ASB1: variants seen among roughly 807,000 people sequenced by gnomAD.
The protein encoded by ASB1 is ankyrin repeat and SOCS box protein 1.
A neutral mutation model predicts 27.7 loss-of-function variants in ASB1; 18 were observed. The ratio of observed to expected loss-of-function variants is 0.65; its 90% CI spans 0.45 to 0.96. The LOEUF (loss-of-function observed/expected upper bound fraction) is 0.96. Ranked by LOEUF, ASB1 falls within the 50% of genes least tolerant of loss-of-function variation. The pLI, the probability that ASB1 is intolerant of heterozygous loss-of-function variation, is 0.00. For missense variants in ASB1, 397 were observed against 451.7 expected, an observed-to-expected ratio of 0.88 and a Z score of 1.10; for synonymous variants, 189 against 187.6, an observed-to-expected ratio of 1.01 and a Z score of -0.06.
At chr2:238,446,268 A>G in intron 4 of ASB1, 116 bp from the exon 5 acceptor site, 1 of 1,208,778 alleles carries the variant, frequency 8.3e-7, no homozygotes, top group South Asian at 1.5e-5. Context: ...GAGCGTTTTG[A>G]AGTTGGTAGT....
At position 238,444,574 on chromosome 2, in the gene ASB1, G is replaced by C; in HGVS notation, c.727G>C (p.Val243Leu). 6.2e-7 allele frequency: 1 copy of C among 1,614,216 alleles called. No individual in the cohort carries two copies. The highest frequency in any genetic ancestry group is 8.5e-7 in the Non-Finnish European group (1 of 1,180,050). ...CTCCCCTGGGTGCGTCATGGATGCT[G>C]TTCTGCGCCACGGCTGTGAGGCAGC... ...RGSPGCVMDA[V>L]LRHGCEAAFV... Residue 243 changes from valine (V) to leucine (L), a missense_variant, in exon 4 of 5, where the codon GTT becomes CTT. Transcript: ENST00000264607.
rs913517697 is a variant in ASB1 at position 238,449,083 on chromosome 2, A to G, written c.*2572A>G. 2.0e-5 allele frequency: 3 copies of G among 152,230 alleles called. No individual in the cohort carries two copies. Among genetic ancestry groups the G allele is most frequent in the Non-Finnish European group, 2.9e-5 (2 of 68,036 alleles). 9.4% of individuals were successfully genotyped at this position (152,230 alleles called of 1,614,324 possible). A position where few individuals can be genotyped will look rare whatever the true frequency, so the allele number is the denominator to read the frequency against. On this transcript the variant is annotated 3_prime_UTR_variant, in exon 5 of 5. Transcript: ENST00000264607. ...GCCTTTGCCAATTTTTTCAGAATCC[A>G]AACAATTTGGAGGTTTGGTATCTTG...
intron 1 of ASB1, among the ~76,000 whole-genome samples, chr2:238,429,714 C>T (rs893186543): frequency 1.3e-5 from 2 of 152,076 alleles, no homozygotes; most frequent in South Asian, 2.1e-4. Flanking sequence ...AGGCAGATCA[C>T]GAGGTCAGGA....
chr2:238,443,365 A>T (rs1054844763), intron 3 of ASB1, among the ~76,000 whole-genome samples: 3 of 152,236 alleles, frequency 2.0e-5, no homozygotes, highest in African/African-American at 4.8e-5. Context: ...TATTGGTTTG[A>T]CAACCTGCTA....
Position 238,448,807 on chromosome 2 carries a change from G to C in ASB1, c.*2296G>C, listed in dbSNP as rs1385643680. 6.6e-6 allele frequency: 1 copy of C among 152,468 alleles called. No individual in the cohort carries two copies. Among genetic ancestry groups the C allele is most frequent in the Non-Finnish European group, 1.5e-5 (1 of 68,212 alleles). 9.4% of individuals were successfully genotyped at this position (152,468 alleles called of 1,614,324 possible). A position where few individuals can be genotyped will look rare whatever the true frequency, so the allele number is the denominator to read the frequency against. The stretch of plus-strand genomic sequence containing the variant: ...GCGTCATGCTCCTTTGCACAGCCCA[G>C]GGCCTGTTTTGGAGGGACCAGGTCA... On this transcript the variant is annotated 3_prime_UTR_variant, in exon 5 of 5. Transcript: ENST00000264607.
chr2:238,437,684 G>A (rs1184467240), intron 3 of ASB1, among the ~76,000 whole-genome samples: 1 of 152,040 alleles, frequency 6.6e-6, no homozygotes, highest in Non-Finnish European at 1.5e-5. Flanking sequence ...CATTTGGACA[G>A]GGTGCAGTTT....
intron 3 of ASB1, among the ~76,000 whole-genome samples, chr2:238,436,740 A>G (rs1366666826): frequency 3.3e-5 from 5 of 149,458 alleles, no homozygotes; most frequent in South Asian, 4.3e-4. Context: ...TTTTGTTTAC[A>G]TATTATACTT....
intron 2 of ASB1, 84 bp downstream of exon 2, chr2:238,433,779 TG>T: frequency 4.7e-6 from 7 of 1,483,392 alleles, no homozygotes; most frequent in Non-Finnish European, 6.5e-6. Flanking sequence ...GCTGTGCAGA[TG>T]AAGACCTTGA....
At chr2:238,438,480 G>C (rs746953524) in intron 3 of ASB1, among the ~76,000 whole-genome samples, 1 of 152,264 alleles carries the variant, frequency 6.6e-6, no homozygotes, top group East Asian at 1.9e-4. Context: ...GATTACGGGC[G>C]TGAGCCACCG....
At chr2:238,443,364 G>A (rs751518086) in intron 3 of ASB1, among the ~76,000 whole-genome samples, 18 of 152,108 alleles carry the variant, frequency 1.2e-4, no homozygotes, top group Non-Finnish European at 2.4e-4. Flanking sequence ...CTATTGGTTT[G>A]ACAACCTGCT....
rs970402104 is a variant in ASB1, at chr2:238,432,116, C to G, written c.50-1438C>G. Among the ~76,000 whole-genome samples, 11 of 152,314 alleles carry G rather than the reference C, an allele frequency of 7.2e-5. No homozygotes were observed. In the South Asian group the frequency reaches 1.9e-3, roughly 26 times the overall value. ...GGTATTAGGTTGTTTATACTGAGAT[C>G]TTTCTGGGCAGCTGATGGTTTGATT... On this transcript the variant is annotated intron_variant, in intron 1 of 4. Transcript: ENST00000264607.
In ASB1 at chr2:238,433,615, G is replaced by A. The variant is rs761546247; in HGVS notation, c.111G>A (p.Glu37=). 1.9e-6 allele frequency: 3 copies of A among 1,614,128 alleles called. No homozygotes were observed. The East Asian group carries it at 6.7e-5, about 36-fold the overall frequency. The change falls in exon 2 of 5, where the codon GAG becomes GAA. Residue 37 remains glutamate, a synonymous_variant. Transcript: ENST00000264607. ...QFCDHPLEHC[E]DTRLHDAAYV... ...GTGATCATCCGCTGGAGCACTGTGA[G>A]GACACGAGGCTCCATGATGCAGCTT... is the stretch of plus-strand genomic sequence containing the variant.
At chr2:238,437,484 C>T (rs941303137) in intron 3 of ASB1, among the ~76,000 whole-genome samples, 1 of 152,126 alleles carries the variant, frequency 6.6e-6, no homozygotes, top group Non-Finnish European at 1.5e-5. Context: ...CCCGCCTCGG[C>T]CTCCCAAAGT....
chr2:238,431,327 C>T (rs1210154583), intron 1 of ASB1, among the ~76,000 whole-genome samples: 1 of 152,244 alleles, frequency 6.6e-6, no homozygotes, highest in Admixed American at 6.5e-5. Flanking sequence ...GCACCTTCCT[C>T]AGCTCTCTCA....
At chr2:238,427,413 T>G in intron 1 of ASB1, 1 of 321,694 alleles carries the variant, frequency 3.1e-6, no homozygotes, top group East Asian at 4.8e-5. Flanking sequence ...AGATTTGATA[T>G]GACCCAACCG....
At chr2:238,428,572 C>T (rs1701807569) in intron 1 of ASB1, among the ~76,000 whole-genome samples, 1 of 152,242 alleles carries the variant, frequency 6.6e-6, no homozygotes, top group Non-Finnish European at 1.5e-5. Flanking sequence ...GCTGGGATTA[C>T]AGGCGGCAGC....
At chr2:238,435,596 G>T in intron 2 of ASB1, 115 bp from the exon 3 acceptor site, 1 of 1,071,090 alleles carries the variant, frequency 9.3e-7, no homozygotes, top group South Asian at 1.6e-5. Context: ...AGCCCAGGTG[G>T]AGGCGTTATT....
At chr2:238,438,480 G>T (rs746953524) in intron 3 of ASB1, among the ~76,000 whole-genome samples, 4 of 152,148 alleles carry the variant, frequency 2.6e-5, no homozygotes, top group Non-Finnish European at 5.9e-5. Flanking sequence ...GATTACGGGC[G>T]TGAGCCACCG....
chr2:238,436,292 T>TTC (rs1284456751), intron 3 of ASB1, among the ~76,000 whole-genome samples: 1 of 152,132 alleles, frequency 6.6e-6, no homozygotes, highest in Non-Finnish European at 1.5e-5. Flanking sequence ...CAACGTTAAT[T>TTC]TACCTTTTAC....
Sources: allele counts gnomAD v4.1 joint callset (sites outside exome capture counted in the v4.1 genomes callset), GRCh38; gene constraint gnomAD v4.1.1; transcripts MANE v1.5; gene names NCBI Gene and HGNC (gene_info 2026-07-23, HGNC 2026-07-21).